GPC6: variants seen among roughly 807,000 people sequenced by gnomAD.
GPC6 encodes the protein glypican-6.
In GPC6, 14 loss-of-function variants were observed where a neutral mutation model predicts 55.2. That is an observed-to-expected ratio of 0.25 (90% CI 0.17 to 0.40). The LOEUF (loss-of-function observed/expected upper bound fraction) is 0.40, where lower values mean the gene tolerates loss of function less well. GPC6 is among the 10% of genes least tolerant of loss of function. GPC6 has a pLI of 1.00. For missense variants in GPC6, 641 were observed against 708.5 expected (o/e 0.90, Z 1.08); for synonymous variants, 278 against 259.6 (o/e 1.07, Z -0.68).
chr13:93,309,022 T>A (rs1878971064), intron 1 of GPC6, among the ~76,000 whole-genome samples: 1 of 152,144 alleles, frequency 6.6e-6, no homozygotes, highest in Non-Finnish European at 1.5e-5. Flanking sequence ...GGTACTTTTT[T>A]AAGGAAACTA....
At chr13:94,399,881 G>A (rs1011761496) in intron 8 of GPC6, among the ~76,000 whole-genome samples, 7 of 152,080 alleles carry the variant, frequency 4.6e-5, no homozygotes, top group Admixed American at 1.3e-4. Flanking sequence ...CTTCACCCTT[G>A]TTAGCACTTA....
At chr13:93,856,552 G>A (rs1354932517) in intron 3 of GPC6, among the ~76,000 whole-genome samples, 1 of 151,632 alleles carries the variant, frequency 6.6e-6, no homozygotes, top group Non-Finnish European at 1.5e-5. Flanking sequence ...ACTCCAAAGA[G>A]TAAGTAAGAA....
intron 4 of GPC6, among the ~76,000 whole-genome samples, chr13:94,059,255 CA>C (rs1018988041): frequency 6.6e-6 from 1 of 151,084 alleles, no homozygotes; most frequent in Non-Finnish European, 1.5e-5. Context: ...GTTATTTAGG[CA>C]AAAATAACAA....
chr13:94,091,007 T>C (rs1885459734), intron 4 of GPC6, among the ~76,000 whole-genome samples: 1 of 152,190 alleles, frequency 6.6e-6, no homozygotes, highest in Admixed American at 6.6e-5. Flanking sequence ...TTTAGAGGCT[T>C]CATAGTCACA....
intron 3 of GPC6, among the ~76,000 whole-genome samples, chr13:94,011,262 TA>T: frequency 6.6e-6 from 1 of 152,298 alleles, no homozygotes; most frequent in African/African-American, 2.4e-5. Flanking sequence ...TGCTTTCCTC[TA>T]CATCAAATAT....
At chr13:93,590,339 G>A (rs1406147190) in intron 2 of GPC6, among the ~76,000 whole-genome samples, 1 of 152,106 alleles carries the variant, frequency 6.6e-6, no homozygotes, top group Non-Finnish European at 1.5e-5. Flanking sequence ...AACTTAACAT[G>A]TTCACCTAGA....
At chr13:93,225,115 T>C (rs544845238), upstream of GPC6, among the ~76,000 whole-genome samples, 1 of 152,340 alleles carries the variant, frequency 6.6e-6, no homozygotes, top group Admixed American at 6.5e-5. Flanking sequence ...AATTATCTGC[T>C]ATACTGAGTC....
At chr13:94,102,126 C>A (rs1885886672) in intron 4 of GPC6, among the ~76,000 whole-genome samples, 1 of 152,046 alleles carries the variant, frequency 6.6e-6, no homozygotes, top group Non-Finnish European at 1.5e-5. Context: ...GCTACGCTTA[C>A]TATATGAACT....
chr13:94,150,753 A>G (rs192236874), intron 4 of GPC6, among the ~76,000 whole-genome samples: 170 of 149,472 alleles, frequency 1.1e-3, no homozygotes, highest in Non-Finnish European at 1.3e-3. Flanking sequence ...AAGAAGAGAT[A>G]TCTAAGTTGA....
At chr13:93,514,085 G>A (rs1425345060) in intron 1 of GPC6, among the ~76,000 whole-genome samples, 1 of 151,890 alleles carries the variant, frequency 6.6e-6, no homozygotes, top group Non-Finnish European at 1.5e-5. Flanking sequence ...TGTTGGCCAG[G>A]CTGGTCTCAA....
At chr13:94,101,949 TA>T (rs1323494840) in intron 4 of GPC6, among the ~76,000 whole-genome samples, 1 of 152,188 alleles carries the variant, frequency 6.6e-6, no homozygotes, top group East Asian at 1.9e-4. Flanking sequence ...AACACTGATT[TA>T]AAAAAATGAG....
At chr13:93,956,812 T>G (rs1354112030) in intron 3 of GPC6, among the ~76,000 whole-genome samples, 1 of 152,238 alleles carries the variant, frequency 6.6e-6, no homozygotes, top group Non-Finnish European at 1.5e-5. Flanking sequence ...AAATGCATAC[T>G]CTGCAGCCAC....
At chr13:93,660,089 T>C (rs1880859645) in intron 2 of GPC6, among the ~76,000 whole-genome samples, 2 of 152,026 alleles carry the variant, frequency 1.3e-5, no homozygotes, top group African/African-American at 4.8e-5. Context: ...TTGAAAAAAA[T>C]AATTTTCTCT....
At chr13:94,178,076 T>C (rs1217798157) in intron 4 of GPC6, among the ~76,000 whole-genome samples, 1 of 142,666 alleles carries the variant, frequency 7.0e-6, no homozygotes, top group Non-Finnish European at 1.5e-5. Context: ...TGGAGTGCAG[T>C]GGTGCGATCT....
intron 4 of GPC6, among the ~76,000 whole-genome samples, chr13:94,148,224 C>T (rs1445373125): frequency 6.6e-6 from 1 of 152,116 alleles, no homozygotes; most frequent in Admixed American, 6.6e-5. Flanking sequence ...CCTTCAGTAT[C>T]GAGCCTTCTA....
chr13:94,266,304 G>T (rs1055305230), intron 4 of GPC6, among the ~76,000 whole-genome samples: 7 of 152,092 alleles, frequency 4.6e-5, no homozygotes, highest in African/African-American at 1.4e-4. Flanking sequence ...GAGTAGCTGG[G>T]ACTACAGGCG....
At chr13:93,423,823 A>G (rs191513696) in intron 1 of GPC6, among the ~76,000 whole-genome samples, 17 of 152,202 alleles carry the variant, frequency 1.1e-4, no homozygotes, top group African/African-American at 4.1e-4. Flanking sequence ...CTTCATGTAT[A>G]ATATCTCATT....
At chr13:93,641,918 C>A (rs942245537) in intron 2 of GPC6, among the ~76,000 whole-genome samples, 1 of 151,980 alleles carries the variant, frequency 6.6e-6, no homozygotes, top group African/African-American at 2.4e-5. Flanking sequence ...GATGGTATGT[C>A]ATCATAGTTA....
chr13:93,659,635 G>A lies in GPC6; in HGVS notation c.319+114214G>A, dbSNP rs193271970. On this transcript the variant is annotated intron_variant, in intron 2 of 8. Transcript: ENST00000377047. ...CTTTTATAATGCTATCAATCCTCTC[G>A]CTTCTACTGGGGATTCATTACATAT... 5.0e-3 allele frequency among the ~76,000 whole-genome samples: 758 copies of A among 151,932 alleles called. 6 individuals carry two copies. The highest frequency in any genetic ancestry group is 0.017 in the African/African-American group (696 of 41,484).
Sources: allele counts gnomAD v4.1 joint callset (sites outside exome capture counted in the v4.1 genomes callset), GRCh38; gene constraint gnomAD v4.1.1; transcripts MANE v1.5; gene names NCBI Gene and HGNC (gene_info 2026-07-23, HGNC 2026-07-21).